Variants in SH3PXD2A observed in about 807,000 individuals in gnomAD.
SH3PXD2A encodes SH3 and PX domains 2A.
SH3PXD2A carries 32 observed loss-of-function variants against 115.2 expected under a neutral mutation model. That is an observed-to-expected ratio of 0.28 (90% confidence interval 0.21 to 0.37). The LOEUF (loss-of-function observed/expected upper bound fraction) is 0.37, where lower values mean the gene tolerates loss of function less well. Among genes scored for constraint, SH3PXD2A ranks in the 10% least tolerant of loss-of-function variants. The pLI is 1.00. For missense variants in SH3PXD2A, 1,328 were observed against 1,498.7 expected, an observed-to-expected ratio of 0.89 and a Z score of 1.88; for synonymous variants, 610 against 629.1, an observed-to-expected ratio of 0.97 and a Z score of 0.45.
At chr10:103,783,038 G>C (rs1803463323) in intron 2 of SH3PXD2A, among the ~76,000 whole-genome samples, 2 of 152,032 alleles carry the variant, frequency 1.3e-5, no homozygotes, top group Non-Finnish European at 2.9e-5. Context: ...GCAGGCAGAG[G>C]GAACAGCAAG....
chr10:103,603,332 G>A lies in SH3PXD2A; in HGVS notation c.1886C>T (p.Ala629Val). ...GCCTCTGGCTGACAGGGTGTCCTCT[G>A]CATATGGCCGGAAGCCCTCATTCTC... The part of the protein sequence containing the change: ...IYENEGFRPY[A>V]EDTLSARGSS... Residue 629 changes from alanine (A) to valine (V), a missense_variant, in exon 15 of 15, where the codon GCA becomes GTA. Around this residue, in one of 5 missense-constraint regions of SH3PXD2A, gnomAD observed 509 missense variants for 628.3 expected, o/e 0.81. Transcript: ENST00000369774. 1 of 1,614,150 alleles carries A rather than the reference G, an allele frequency of 6.2e-7. No homozygotes were observed. The highest frequency in any genetic ancestry group is 8.5e-7 in the Non-Finnish European group (1 of 1,180,008).
chr10:103,755,346 T>C (rs1006951894), intron 3 of SH3PXD2A: 2 of 152,214 alleles, frequency 1.3e-5, no homozygotes, highest in African/African-American at 4.8e-5. Flanking sequence ...ATTTCAGAGA[T>C]GGGGATTATG....
intron 3 of SH3PXD2A, among the ~76,000 whole-genome samples, chr10:103,741,530 T>C (rs1564877778): frequency 6.6e-6 from 1 of 152,168 alleles, no homozygotes. Context: ...ATCCCTGATT[T>C]ATAGCAACAG....
chr10:103,820,869 C>A (rs1461743837), intron 1 of SH3PXD2A, among the ~76,000 whole-genome samples: 1 of 152,198 alleles, frequency 6.6e-6, no homozygotes, highest in East Asian at 1.9e-4. Flanking sequence ...CCAGCTTTAA[C>A]CAAGGGGTCA....
At chr10:103,749,935 T>G (rs899272795) in intron 3 of SH3PXD2A, 1 of 152,254 alleles carries the variant, frequency 6.6e-6, no homozygotes, top group Admixed American at 6.5e-5. Context: ...GTCCTCTAAC[T>G]GCAGTCAAGC....
At chr10:103,847,863 C>T (rs530441147) in intron 1 of SH3PXD2A, among the ~76,000 whole-genome samples, 18 of 152,106 alleles carry the variant, frequency 1.2e-4, no homozygotes, top group African/African-American at 3.9e-4. Flanking sequence ...CGCTTGAACC[C>T]GGGAGGCGGA....
At chr10:103,839,126 T>C (rs2039573269) in intron 1 of SH3PXD2A, among the ~76,000 whole-genome samples, 2 of 152,190 alleles carry the variant, frequency 1.3e-5, no homozygotes, top group Non-Finnish European at 2.9e-5. Context: ...CTTCTTTCCA[T>C]TTCTTACATT....
rs2134212653 is a variant in SH3PXD2A, at chr10:103,756,862, T to G, written c.229+10232A>C. 6.6e-6 allele frequency among the ~76,000 whole-genome samples: 1 copy of G among 152,236 alleles called. No homozygotes were observed. The highest frequency in any genetic ancestry group is 2.1e-4 in the South Asian group (1 of 4,814). ...TCACCTTTGCCCTCTCACCTGCCTC[T>G]CCAGGACCCCAGCTGGTCTCCTCTG... On this transcript the variant is annotated intron_variant, in intron 3 of 14. Coordinates refer to ENST00000369774, the MANE Select transcript of SH3PXD2A (RefSeq NM_001394015.1). This position sits in a 1 kb window ranked among gnomAD's most constrained non-coding sequence, Gnocchi z 4.4.
intron 1 of SH3PXD2A, among the ~76,000 whole-genome samples, chr10:103,812,381 C>T (rs1342839615): frequency 6.6e-6 from 1 of 152,190 alleles, no homozygotes; most frequent in Non-Finnish European, 1.5e-5. Flanking sequence ...TGCTCCCAGA[C>T]ATTCAGGAGC....
intron 8 of SH3PXD2A, among the ~76,000 whole-genome samples, chr10:103,655,945 A>G (rs1461038160): frequency 6.6e-6 from 1 of 152,194 alleles, no homozygotes; most frequent in Non-Finnish European, 1.5e-5. Flanking sequence ...AGAATGGTGA[A>G]ATAAACGAGT....
At chr10:103,839,703 C>T (rs1589479400) in intron 1 of SH3PXD2A, among the ~76,000 whole-genome samples, 1 of 152,096 alleles carries the variant, frequency 6.6e-6, no homozygotes, top group Non-Finnish European at 1.5e-5. Flanking sequence ...CCACTGGCTG[C>T]CTCAACATAA....
intron 2 of SH3PXD2A, among the ~76,000 whole-genome samples, chr10:103,798,628 C>CG (rs1342165831): frequency 1.3e-5 from 2 of 152,172 alleles, no homozygotes; most frequent in Non-Finnish European, 2.9e-5. Flanking sequence ...TGGTGAAACC[C>CG]GGGGAGCAGC....
intron 2 of SH3PXD2A, among the ~76,000 whole-genome samples, chr10:103,767,816 T>TTTTTG (rs2038773614): frequency 6.7e-6 from 1 of 148,378 alleles, no homozygotes; most frequent in South Asian, 2.2e-4. Context: ...TTTTGTTTTT[T>TTTTTG]TTTTTTTTTT....
At chr10:103,850,446 C>T (rs1240213310) in intron 1 of SH3PXD2A, among the ~76,000 whole-genome samples, 2 of 152,184 alleles carry the variant, frequency 1.3e-5, no homozygotes, top group African/African-American at 4.8e-5. Flanking sequence ...GAGAAGAAAC[C>T]GTTCCCATGC....
intron 2 of SH3PXD2A, among the ~76,000 whole-genome samples, chr10:103,772,563 C>G (rs910120624): frequency 6.6e-6 from 1 of 152,242 alleles, no homozygotes; most frequent in Non-Finnish European, 1.5e-5. Context: ...CACATCAGAA[C>G]CTCGCAGTGT....
At chr10:103,623,269 G>A (rs7913818) in intron 9 of SH3PXD2A, among the ~76,000 whole-genome samples, 1 of 149,276 alleles carries the variant, frequency 6.7e-6, no homozygotes, top group Non-Finnish European at 1.5e-5. Flanking sequence ...GATGACAGGG[G>A]CCCCCTCCCC....
At chr10:103,718,818 A>G (rs1225270243) in intron 5 of SH3PXD2A, among the ~76,000 whole-genome samples, 1 of 144,444 alleles carries the variant, frequency 6.9e-6, no homozygotes, top group Non-Finnish European at 1.5e-5. Context: ...CCCCTATTCA[A>G]CTGCTGACTT....
At chr10:103,829,580 C>T (rs2039465507) in intron 1 of SH3PXD2A, among the ~76,000 whole-genome samples, 1 of 152,130 alleles carries the variant, frequency 6.6e-6, no homozygotes, top group South Asian at 2.1e-4. Flanking sequence ...GTGCAAAGCT[C>T]CATGAAGCAA....
At chr10:103,825,382 G>A (rs537259342) in intron 1 of SH3PXD2A, among the ~76,000 whole-genome samples, 13 of 152,312 alleles carry the variant, frequency 8.5e-5, no homozygotes, top group Middle Eastern at 3.4e-3. Flanking sequence ...TTGCAGGGAG[G>A]AGGGAAAGGG....
Sources: allele counts gnomAD v4.1 joint callset (sites outside exome capture counted in the v4.1 genomes callset), GRCh38; gene constraint gnomAD v4.1.1; regional missense constraint gnomAD v4.1.1; non-coding constraint Gnocchi (gnomAD v3.1); transcripts MANE v1.5; gene names NCBI Gene and HGNC (gene_info 2026-07-23, HGNC 2026-07-21).